Variants in NAALADL2 observed in about 807,000 individuals in gnomAD.
NAALADL2 encodes the protein N-acetylated alpha-linked acidic dipeptidase like 2.
NAALADL2 carries 76 observed loss-of-function variants against 87.2 expected under a neutral mutation model. The observed-to-expected ratio is 0.87, with a 90% CI of 0.72 to 1.05. The LOEUF is 1.05. Among genes scored for constraint, NAALADL2 ranks in the 50% least tolerant of loss-of-function variants. The pLI is 0.00. For synonymous variants in NAALADL2, 354 were observed against 331.0 expected (o/e 1.07, Z -0.75); for missense variants, 1,089 against 945.8 (o/e 1.15, Z -1.99).
At chr3:175,181,837 C>T (rs1390999542) in intron 2 of NAALADL2, among the ~76,000 whole-genome samples, 1 of 150,098 alleles carries the variant, frequency 6.7e-6, no homozygotes, top group Non-Finnish European at 1.5e-5. Flanking sequence ...GTGAATAATG[C>T]TACAATGACA....
intron 1 of NAALADL2, among the ~76,000 whole-genome samples, chr3:174,496,612 C>T (rs1328485828): frequency 4.0e-5 from 6 of 151,254 alleles, no homozygotes; most frequent in South Asian, 2.1e-4. Context: ...AATTATTACT[C>T]TTTTAAGAAC....
intron 2 of NAALADL2, among the ~76,000 whole-genome samples, chr3:174,596,800 A>G (rs778298529): frequency 1.3e-4 from 20 of 152,180 alleles, no homozygotes; most frequent in Non-Finnish European, 2.6e-4. Flanking sequence ...GCCAATTTAG[A>G]TTAGGATATC....
rs201946346 is a variant in NAALADL2, at chr3:174,707,538, T to C, written c.-114-30103T>C. ...GGAAACCATCATTCTCAGCAAACTA[T>C]TGCAAGGACAGAAAACCAAACACCG... On this transcript the variant is annotated intron_variant, in intron 2 of 3. Coordinates refer to the NAALADL2 transcript ENST00000434257. Among the ~76,000 whole-genome samples, 5 of 151,008 alleles carry C rather than the reference T, an allele frequency of 3.3e-5. No homozygotes were observed. In the East Asian group the frequency reaches 9.8e-4, roughly 30 times the overall value.
At chr3:175,242,416 C>T (rs1309988518) in intron 3 of NAALADL2, 1 of 152,094 alleles carries the variant, frequency 6.6e-6, no homozygotes, top group African/African-American at 2.4e-5. Context: ...TCAGTCTTTC[C>T]AGAACTAGAG....
intron 11 of NAALADL2, among the ~76,000 whole-genome samples, chr3:175,701,178 T>C (rs1738941452): frequency 6.6e-6 from 1 of 152,058 alleles, no homozygotes; most frequent in South Asian, 2.1e-4. Context: ...CATTGGAGGC[T>C]GTAGGGTTGG....
At chr3:175,766,257 A>G (rs531708450) in intron 13 of NAALADL2, among the ~76,000 whole-genome samples, 1 of 152,246 alleles carries the variant, frequency 6.6e-6, no homozygotes, top group Admixed American at 6.5e-5. Context: ...TGTAATTTAA[A>G]AAGTAGGCAT....
At chr3:175,685,449 GGTGTGTGTGTGT>G (rs59449046) in intron 11 of NAALADL2, among the ~76,000 whole-genome samples, 1,529 of 144,682 alleles carry the variant, frequency 0.011, 27 homozygotes, top group African/African-American at 0.036. Context: ...ACCAACAGGA[GGTGTGTGTGTGT>G]GTGTGTGTGT....
In NAALADL2 at chr3:175,096,796, A is replaced by T; in HGVS notation, c.50A>T (p.Lys17Met). Reference protein sequence around the residue: ...SLPNTSLQGKKMAYQKVHADQ... With the variant: ...SLPNTSLQGKMMAYQKVHADQ... The stretch of plus-strand genomic sequence containing the variant: ...ATTTTTCTTATTTTCACAGGTAAAA[A>T]GATGGCCTATCAGAAGGTCCATGCA... The change falls in exon 2 of 14, where the codon AAG (lysine) becomes ATG (methionine). Residue 17 changes from lysine to methionine, a missense_variant. Transcript: ENST00000454872. 1.3e-6 allele frequency: 2 copies of T among 1,496,390 alleles called. No individual in the cohort carries two copies. The highest frequency in any genetic ancestry group is 1.8e-6 in the Non-Finnish European group (2 of 1,122,846). The allele number at this position is 1,496,390 out of a possible 1,614,324, so 92.7% of individuals were successfully genotyped here. A position where few individuals can be genotyped will look rare whatever the true frequency, so the allele number is the denominator to read the frequency against.
chr3:175,370,785 C>T (rs142708541), intron 5 of NAALADL2, among the ~76,000 whole-genome samples: 149 of 152,238 alleles, frequency 9.8e-4, no homozygotes, highest in African/African-American at 3.2e-3. Flanking sequence ...GTATAAACAC[C>T]GTAGTAACTT....
chr3:174,653,991 T>C (rs541027500), intron 2 of NAALADL2, among the ~76,000 whole-genome samples: 2 of 152,134 alleles, frequency 1.3e-5, no homozygotes, highest in African/African-American at 4.8e-5. Context: ...CAGCTGCAAC[T>C]TATCTCAGGA....
chr3:175,438,327 A>C (rs1719093032), intron 5 of NAALADL2, among the ~76,000 whole-genome samples: 1 of 152,174 alleles, frequency 6.6e-6, no homozygotes, highest in Non-Finnish European at 1.5e-5. Flanking sequence ...CAAGGACAAC[A>C]AAATGACTAA....
intron 9 of NAALADL2, among the ~76,000 whole-genome samples, chr3:175,574,696 C>T (rs1718601180): frequency 6.6e-6 from 1 of 152,118 alleles, no homozygotes; most frequent in South Asian, 2.1e-4. Context: ...TTCATCGTCC[C>T]TGTTAACCAC....
chr3:175,257,833 C>T (rs1049015621), intron 4 of NAALADL2, among the ~76,000 whole-genome samples: 8 of 151,936 alleles, frequency 5.3e-5, no homozygotes, highest in Admixed American at 3.3e-4. Context: ...TTATTATTGC[C>T]TATGAAGGTA....
chr3:175,143,832 C>T (rs1248782542), intron 2 of NAALADL2, among the ~76,000 whole-genome samples: 1 of 151,914 alleles, frequency 6.6e-6, no homozygotes, highest in Non-Finnish European at 1.5e-5. Context: ...GACATATCAT[C>T]AGTAAATAAT....
At chr3:175,144,276 A>C (rs1039593924) in intron 2 of NAALADL2, among the ~76,000 whole-genome samples, 1 of 151,974 alleles carries the variant, frequency 6.6e-6, no homozygotes, top group Non-Finnish European at 1.5e-5. Context: ...GGAGAAATAC[A>C]AAAAGCCATT....
intron 10 of NAALADL2, among the ~76,000 whole-genome samples, chr3:175,598,945 T>C (rs989282693): frequency 6.6e-6 from 1 of 152,166 alleles, no homozygotes; most frequent in Non-Finnish European, 1.5e-5. Flanking sequence ...CTCAATGTTT[T>C]ACAAGTTGAA....
chr3:175,361,204 T>TA (rs1188098596), intron 5 of NAALADL2, among the ~76,000 whole-genome samples: 1 of 152,004 alleles, frequency 6.6e-6, no homozygotes, highest in Non-Finnish European at 1.5e-5. Flanking sequence ...AACTCATCCT[T>TA]TTTATGGCTG....
chr3:175,256,724 A>G, intron 4 of NAALADL2, 194 bp downstream of exon 4: 1 of 410,734 alleles, frequency 2.4e-6, no homozygotes, highest in Non-Finnish European at 4.3e-6. Context: ...AATTTAAGAT[A>G]TTTAAGAACA....
At chr3:174,731,613 A>C (rs1338374592) in intron 2 of NAALADL2, among the ~76,000 whole-genome samples, 1 of 152,124 alleles carries the variant, frequency 6.6e-6, no homozygotes, top group Non-Finnish European at 1.5e-5. Context: ...GTGATTCTCA[A>C]ATTTTAGTGT....
Sources: allele counts gnomAD v4.1 joint callset (sites outside exome capture counted in the v4.1 genomes callset), GRCh38; gene constraint gnomAD v4.1.1; transcripts MANE v1.5; gene names NCBI Gene and HGNC (gene_info 2026-07-23, HGNC 2026-07-21).